Variants in PRKCA observed in about 807,000 individuals in gnomAD.
The protein encoded by PRKCA is protein kinase C alpha type.
In PRKCA, 27 loss-of-function variants were observed where a neutral mutation model predicts 87.0. The observed-to-expected ratio is 0.31, with a 90% CI of 0.23 to 0.43. The LOEUF is 0.43. Ranked by LOEUF, PRKCA falls within the 20% of genes least tolerant of loss-of-function variation. The pLI is 1.00. For synonymous variants in PRKCA, 329 were observed against 311.1 expected, an observed-to-expected ratio of 1.06 and a Z score of -0.61; for missense variants, 518 against 852.3, an observed-to-expected ratio of 0.61 and a Z score of 4.88.
intron 2 of PRKCA, among the ~76,000 whole-genome samples, chr17:66,462,949 CACACACACACACACACA>C (rs1914922313): frequency 9.5e-6 from 1 of 105,634 alleles, no homozygotes; most frequent in Non-Finnish European, 2.2e-5. Context: ...CACACACACA[CACACACACACACACACA>C]TTTATGAGTC....
chr17:66,731,331 A>G (rs1037154162), intron 8 of PRKCA, among the ~76,000 whole-genome samples: 5 of 147,960 alleles, frequency 3.4e-5, no homozygotes, highest in Non-Finnish European at 7.4e-5. Context: ...CCTGGGCAAC[A>G]AGAGCAAAAC....
chr17:66,629,859 C>G (rs1222125958), intron 3 of PRKCA, among the ~76,000 whole-genome samples: 2 of 151,966 alleles, frequency 1.3e-5, no homozygotes, highest in Non-Finnish European at 2.9e-5. Context: ...ACACACATAC[C>G]CTCCTATACA....
At chr17:66,709,337 G>A (rs1200925986) in intron 8 of PRKCA, among the ~76,000 whole-genome samples, 1 of 111,148 alleles carries the variant, frequency 9.0e-6, no homozygotes, top group Non-Finnish European at 1.7e-5. Context: ...TTGAGATAGA[G>A]TGTTGCTTTT....
intron 16 of PRKCA, among the ~76,000 whole-genome samples, chr17:66,791,890 G>A (rs1011946561): frequency 1.3e-5 from 2 of 152,240 alleles, no homozygotes; most frequent in African/African-American, 4.8e-5. Context: ...AAAATGTACT[G>A]TAGTTTCCTG....
chr17:66,683,431 C>G (rs190251837), intron 5 of PRKCA, among the ~76,000 whole-genome samples: 1 of 152,200 alleles, frequency 6.6e-6, no homozygotes, highest in Non-Finnish European at 1.5e-5. Flanking sequence ...GCTTAAAGAT[C>G]CTGGTGCCTG....
At chr17:66,765,415 T>C (rs1272842960) in intron 13 of PRKCA, among the ~76,000 whole-genome samples, 1 of 112,314 alleles carries the variant, frequency 8.9e-6, no homozygotes, top group Non-Finnish European at 1.8e-5. Context: ...AGCAAGACTT[T>C]GTCTATATAT....
chr17:66,418,891 A>C (rs930839738), intron 2 of PRKCA, among the ~76,000 whole-genome samples: 4 of 150,650 alleles, frequency 2.7e-5, no homozygotes, highest in Non-Finnish European at 4.4e-5. Flanking sequence ...AGCTGGGACT[A>C]CAGGCGCCCA....
intron 3 of PRKCA, among the ~76,000 whole-genome samples, chr17:66,591,723 T>G (rs1456615851): frequency 6.6e-6 from 1 of 152,190 alleles, no homozygotes; most frequent in East Asian, 1.9e-4. Context: ...AGAAGCTCTG[T>G]TGCCCTCGAC....
intron 3 of PRKCA, among the ~76,000 whole-genome samples, chr17:66,526,899 G>A (rs975406028): frequency 6.6e-6 from 1 of 152,158 alleles, no homozygotes; most frequent in Non-Finnish European, 1.5e-5. Flanking sequence ...ACTTTGGTCT[G>A]CGTATAACAT....
At chr17:66,612,422 A>AT (rs1970397014) in intron 3 of PRKCA, among the ~76,000 whole-genome samples, 6 of 150,746 alleles carry the variant, frequency 4.0e-5, no homozygotes, top group Admixed American at 4.0e-4. Flanking sequence ...AATAACAAAT[A>AT]TTTTAAACAC....
At chr17:66,730,655 G>T (rs1053472395) in intron 8 of PRKCA, among the ~76,000 whole-genome samples, 4 of 152,216 alleles carry the variant, frequency 2.6e-5, no homozygotes, top group African/African-American at 9.6e-5. Flanking sequence ...GCAGCCAGGA[G>T]ACCTGAGACT....
intron 14 of PRKCA, among the ~76,000 whole-genome samples, chr17:66,780,058 G>A (rs1333432238): frequency 6.6e-6 from 1 of 152,196 alleles, no homozygotes; most frequent in Non-Finnish European, 1.5e-5. Context: ...GATGCTCCAG[G>A]GAGACTTGAG....
chr17:66,538,455 G>A (rs1393402675), intron 3 of PRKCA, among the ~76,000 whole-genome samples: 9 of 152,112 alleles, frequency 5.9e-5, no homozygotes, highest in African/African-American at 1.2e-4. Context: ...AGGCTGTTGC[G>A]TTTGTCACCA....
chr17:66,724,387 CA>C (rs1471434290), intron 8 of PRKCA, among the ~76,000 whole-genome samples: 1 of 152,096 alleles, frequency 6.6e-6, no homozygotes, highest in Non-Finnish European at 1.5e-5. Flanking sequence ...AGGAGGATGG[CA>C]GCACTGAGAG....
chr17:66,574,001 G>C (rs1322576387), intron 3 of PRKCA, among the ~76,000 whole-genome samples: 1 of 152,016 alleles, frequency 6.6e-6, no homozygotes, highest in Non-Finnish European at 1.5e-5. Context: ...TGGCCCGAAG[G>C]GTATTAAAGA....
At chr17:66,761,617 C>G (rs563783333) in intron 13 of PRKCA, among the ~76,000 whole-genome samples, 1 of 151,630 alleles carries the variant, frequency 6.6e-6, no homozygotes. Flanking sequence ...CCACCACACC[C>G]GGCTAATTTT....
chr17:66,412,400 C>T (rs948617321), intron 2 of PRKCA, among the ~76,000 whole-genome samples: 49 of 152,150 alleles, frequency 3.2e-4, no homozygotes, highest in Admixed American at 3.2e-3. Flanking sequence ...TGCACTTTTA[C>T]TTAAAAGAGC....
intron 5 of PRKCA, among the ~76,000 whole-genome samples, chr17:66,658,479 C>T (rs1054814538): frequency 7.2e-6 from 1 of 138,546 alleles, no homozygotes; most frequent in Non-Finnish European, 1.5e-5. Flanking sequence ...AAGAGCAAAA[C>T]TCTGTCTTCA....
At chr17:66,576,620 C>T (rs142737539) in intron 3 of PRKCA, among the ~76,000 whole-genome samples, 23 of 152,270 alleles carry the variant, frequency 1.5e-4, no homozygotes, top group African/African-American at 5.3e-4. Context: ...AAATTTGATA[C>T]CCATGTACGA....
Sources: gnomAD v4.1 joint callset for allele counts (sites outside exome capture counted in the v4.1 genomes callset) on GRCh38, gnomAD v4.1.1 for gene constraint, MANE v1.5 for transcripts, NCBI Gene and HGNC (gene_info 2026-07-23, HGNC 2026-07-21) for gene names.